Variants in MYO1H observed in about 807,000 individuals in gnomAD.
MYO1H encodes unconventional myosin-Ih.
MYO1H carries 118 observed loss-of-function variants against 149.3 expected under a neutral mutation model. The ratio of observed to expected loss-of-function variants is 0.79; its 90% CI spans 0.68 to 0.92. The LOEUF is 0.92. Among genes scored for constraint, MYO1H ranks in the 40% least tolerant of loss-of-function variants. The pLI is 0.00. For synonymous variants in MYO1H, 447 were observed against 465.2 expected, an observed-to-expected ratio of 0.96 and a Z score of 0.50; for missense variants, 1,212 against 1,280.7, an observed-to-expected ratio of 0.95 and a Z score of 0.82.
exon 3 of MYO1H, chr12:109,393,430 G>A: frequency 6.3e-7 from 1 of 1,580,496 alleles, no homozygotes; most frequent in Non-Finnish European, 8.6e-7. Context: ...CAATTTCTTT[G>A]AACTGCCACC....
chr12:109,410,270 T>C lies in MYO1H; in HGVS notation c.1329+202T>C, dbSNP rs759346462. 1.1e-4 allele frequency among the ~76,000 whole-genome samples: 17 copies of C among 152,234 alleles called. 1 individual carries two copies. The South Asian group carries it at 1.5e-3, about 13-fold the overall frequency. On this transcript the variant is annotated intron_variant, in intron 12 of 31. Transcript: ENST00000310903. ...GATCCTCCTGCCTCAGCCTCCTAAG[T>C]AGCTGGGATCACAGGCACATGCCAC... is the stretch of plus-strand genomic sequence containing the variant.
At chr12:109,393,565 A>ATCCATTCATCCATCCATCCC in intron 3 of MYO1H, 119 bp downstream of exon 3, 1 of 668,150 alleles carries the variant, frequency 1.5e-6, no homozygotes, top group Non-Finnish European at 2.7e-6. Context: ...CCATCCATCC[A>ATCCATTCATCCATCCATCCC]TCCATCCATC....
At chr12:109,337,320 A>T in the MYO1H span, among the ~76,000 whole-genome samples, 1 of 152,112 alleles carries the variant, frequency 6.6e-6, no homozygotes, top group Admixed American at 6.6e-5. Flanking sequence ...TGGCATGCCC[A>T]CTCCCGGGGA....
chr12:109,421,406 T>C (rs559890771), intron 16 of MYO1H, among the ~76,000 whole-genome samples: 4 of 152,302 alleles, frequency 2.6e-5, no homozygotes, highest in South Asian at 4.1e-4. Flanking sequence ...GGAACTGTGA[T>C]TGAAGGGGAC....
At chr12:109,431,615 G>A (rs1004641226) in intron 19 of MYO1H, among the ~76,000 whole-genome samples, 16 of 152,122 alleles carry the variant, frequency 1.1e-4, no homozygotes, top group African/African-American at 3.1e-4. Context: ...CTGTTTCTAC[G>A]CCAGTGGCTC....
chr12:109,442,316 C>G, intron 27 of MYO1H, 44 bp downstream of exon 27: 2 of 1,569,778 alleles, frequency 1.3e-6, no homozygotes, highest in Non-Finnish European at 1.8e-6. Context: ...ATTCCCTCAT[C>G]GAGTCTAAGA....
chr12:109,396,816 T>G (rs1433874813), intron 4 of MYO1H, among the ~76,000 whole-genome samples: 5 of 50,892 alleles, frequency 9.8e-5, no homozygotes, highest in African/African-American at 1.4e-4. Flanking sequence ...TTGGTTTCGT[T>G]TTTTTTTTTT....
Position 109,440,724 on chromosome 12 carries a change from G to T in MYO1H, c.2455-20G>T. 1 of 1,547,636 alleles carries T rather than the reference G, an allele frequency of 6.5e-7. No individual in the cohort carries two copies. On this transcript the variant is annotated intron_variant, in intron 24 of 31. Transcript: ENST00000310903. The stretch of plus-strand genomic sequence containing the variant: ...AGGGAGTGAGTGAGGCAAGTGGAAA[G>T]AAGTGTGTTCTCCACACAGGCATCA...
chr12:109,337,745 A>G, the MYO1H span, among the ~76,000 whole-genome samples: 1 of 152,180 alleles, frequency 6.6e-6, no homozygotes, highest in Non-Finnish European at 1.5e-5. Context: ...ACCATATCAT[A>G]GGGGTTTGAC....
At chr12:109,447,582 A>C in exon 32 of MYO1H, 1 of 225,544 alleles carries the variant, frequency 4.4e-6, no homozygotes, top group Non-Finnish European at 9.1e-6. Context: ...ATATGTTGAT[A>C]AGACATCTGA....
Position 109,441,498 on chromosome 12 carries a change from G to A in MYO1H, c.2539-117G>A, listed in dbSNP as rs1872126508. 4.9e-6 allele frequency: 3 copies of A among 616,932 alleles called. No individual in the cohort carries two copies. The South Asian group carries it at 7.0e-5, about 14-fold the overall frequency. 38.2% of individuals were successfully genotyped at this position (616,932 alleles called of 1,614,324 possible). A position where few individuals can be genotyped will look rare whatever the true frequency, so the allele number is the denominator to read the frequency against. Reference sequence around the variant, plus strand: ...GGTGTTCTGACTTGTATGCTCCAGGGTAACAAGGCTCCCACAGTTTATCCA... The same window carrying A: ...GGTGTTCTGACTTGTATGCTCCAGGATAACAAGGCTCCCACAGTTTATCCA... On this transcript the variant is annotated intron_variant, in intron 25 of 31. Transcript: ENST00000310903.
intron 10 of MYO1H, among the ~76,000 whole-genome samples, chr12:109,408,510 A>G (rs1271007304): frequency 6.6e-6 from 1 of 152,222 alleles, no homozygotes; most frequent in Non-Finnish European, 1.5e-5. Flanking sequence ...TGACATTTTA[A>G]AAATTTCAAC....
At chr12:109,366,778 G>A (rs7308539) in intron 1 of MYO1H, among the ~76,000 whole-genome samples, 15,903 of 152,256 alleles carry the variant, frequency 0.1, 1,188 homozygotes, top group African/African-American at 0.2. Context: ...CATGATGGAT[G>A]TGGGTTGAAT....
At chr12:109,423,933 G>A (rs1026422849) in intron 16 of MYO1H, among the ~76,000 whole-genome samples, 33 of 152,146 alleles carry the variant, frequency 2.2e-4, no homozygotes, top group Admixed American at 4.6e-4. Flanking sequence ...GCACAGGGGC[G>A]AAAGTCAAAC....
chr12:109,368,812 T>C (rs1868922584), intron 1 of MYO1H, among the ~76,000 whole-genome samples: 1 of 151,936 alleles, frequency 6.6e-6, no homozygotes, highest in African/African-American at 2.4e-5. Flanking sequence ...TTTCCCCCTC[T>C]CTTCCTTCCC....
At chr12:109,380,062 AT>A (rs879664340) in intron 1 of MYO1H, among the ~76,000 whole-genome samples, 10 of 151,718 alleles carry the variant, frequency 6.6e-5, no homozygotes, top group Non-Finnish European at 1.3e-4. Context: ...TTTTTATTTC[AT>A]TTTTTACTTT....
chr12:109,340,163 G>A, the MYO1H span, among the ~76,000 whole-genome samples: 9 of 152,038 alleles, frequency 5.9e-5, no homozygotes, highest in East Asian at 1.3e-3. Flanking sequence ...TCACACACCT[G>A]TAAGAGTTCA....
At chr12:109,362,578 G>T (rs1868777706) in intron 1 of MYO1H, among the ~76,000 whole-genome samples, 1 of 152,218 alleles carries the variant, frequency 6.6e-6, no homozygotes, top group African/African-American at 2.4e-5. Flanking sequence ...TGGGTTTGAT[G>T]AAGAGGGGAC....
chr12:109,408,066 A>T, intron 10 of MYO1H, 153 bp downstream of exon 10: 1 of 924,814 alleles, frequency 1.1e-6, no homozygotes, highest in Non-Finnish European at 1.7e-6. Flanking sequence ...CATGTCTAGC[A>T]TACAGTATGG....
Sources: allele counts gnomAD v4.1 joint callset (sites outside exome capture counted in the v4.1 genomes callset), GRCh38; gene constraint gnomAD v4.1.1; transcripts MANE v1.5; gene names NCBI Gene and HGNC (gene_info 2026-07-23, HGNC 2026-07-21).